The following KCNH8 variants were observed in gnomAD, a reference collection of about 807,000 sequenced individuals.
The protein encoded by KCNH8 is potassium voltage-gated channel subfamily H member 8, also known as voltage-gated delayed rectifier potassium channel KCNH8.
KCNH8 carries 70 observed loss-of-function variants against 103.6 expected under a neutral mutation model. The observed-to-expected ratio is 0.68, with a 90% CI of 0.56 to 0.82. The LOEUF (loss-of-function observed/expected upper bound fraction) is 0.82. KCNH8 is among the 40% of genes least tolerant of loss of function. KCNH8 has a pLI of 0.00. For synonymous variants in KCNH8, 498 were observed against 489.4 expected (o/e 1.02, Z -0.23); for missense variants, 1,217 against 1,329.9 (o/e 0.92, Z 1.32).
intron 1 of KCNH8, among the ~76,000 whole-genome samples, chr3:19,218,846 G>A (rs183639654): frequency 6.8e-4 from 104 of 152,282 alleles, no homozygotes; most frequent in African/African-American, 2.3e-3. Flanking sequence ...TTGTCTTTGT[G>A]AGTATGTCTA....
At chr3:19,532,790 T>C (rs1344031126) in intron 15 of KCNH8, among the ~76,000 whole-genome samples, 1 of 152,238 alleles carries the variant, frequency 6.6e-6, no homozygotes, top group African/African-American at 2.4e-5. Flanking sequence ...AGACTACTTA[T>C]GCCCCTCTAG....
At chr3:19,396,576 C>A (rs901717500) in intron 7 of KCNH8, among the ~76,000 whole-genome samples, 1 of 151,582 alleles carries the variant, frequency 6.6e-6, no homozygotes, top group African/African-American at 2.4e-5. Flanking sequence ...GTCCTCAATT[C>A]TAGGAAACAA....
chr3:19,419,922 T>G (rs1286439029), intron 7 of KCNH8, among the ~76,000 whole-genome samples: 3 of 152,194 alleles, frequency 2.0e-5, no homozygotes, highest in Admixed American at 6.5e-5. Flanking sequence ...AATTTGCCTT[T>G]GGCTTGACAG....
Position 19,239,678 on chromosome 3 carries a change from CTAT to C in KCNH8, c.77-13975_77-13973del, listed in dbSNP as rs1559437692. Reference sequence around the variant, plus strand: ...TCTATCTATCTATCTATCTATCTATCTATCTACCTACCTACCTATCTATCTAAG... The same window carrying C: ...TCTATCTATCTATCTATCTATCTATCCTACCTACCTACCTATCTATCTAAG... On this transcript the variant is annotated intron_variant, in intron 1 of 15. Transcript: ENST00000328405. 2.2e-3 allele frequency among the ~76,000 whole-genome samples: 328 copies of C among 151,710 alleles called. 1 individual carries two copies. Among genetic ancestry groups the C allele is most frequent in the African/African-American group, 6.2e-3 (257 of 41,254 alleles).
chr3:19,249,810 C>G (rs1294979421), intron 1 of KCNH8, among the ~76,000 whole-genome samples: 1 of 152,066 alleles, frequency 6.6e-6, no homozygotes, highest in Non-Finnish European at 1.5e-5. Flanking sequence ...TGGGCTTCTT[C>G]TTTGGGAAAG....
At chr3:19,486,833 G>T (rs142584691) in intron 11 of KCNH8, among the ~76,000 whole-genome samples, 4 of 152,126 alleles carry the variant, frequency 2.6e-5, no homozygotes, top group South Asian at 2.1e-4. Context: ...TCTGGTTTTA[G>T]GTTCCAGTAG....
chr3:19,224,426 G>A (rs939910635), intron 1 of KCNH8, among the ~76,000 whole-genome samples: 3 of 151,992 alleles, frequency 2.0e-5, no homozygotes, highest in Non-Finnish European at 2.9e-5. Context: ...AACCTAAATA[G>A]TCTATGTTTA....
In KCNH8 at chr3:19,226,552, ATCTC is replaced by A. The variant is rs147387395; in HGVS notation, c.77-27088_77-27085del. ...TTGGCATCAAAGTGTTTGCTCCACC[ATCTC>A]TCTCTCTCTCTCTGTTTCTTTCAGT... On this transcript the variant is annotated intron_variant, in intron 1 of 15. Coordinates refer to ENST00000328405, the MANE Select transcript of KCNH8 (RefSeq NM_144633.3). Among the ~76,000 whole-genome samples, 29 of 145,610 alleles carry A rather than the reference ATCTC, an allele frequency of 2.0e-4. 1 individual carries two copies. The highest frequency in any genetic ancestry group is 1.1e-3 in the Admixed American group (16 of 14,678).
chr3:19,353,828 C>A (rs1376827546), intron 5 of KCNH8, among the ~76,000 whole-genome samples: 1 of 152,110 alleles, frequency 6.6e-6, no homozygotes, highest in Non-Finnish European at 1.5e-5. Flanking sequence ...TAGCACAAGA[C>A]AAGGATGCCC....
intron 2 of KCNH8, among the ~76,000 whole-genome samples, chr3:19,260,902 T>C (rs569586638): frequency 2.0e-5 from 3 of 149,454 alleles, no homozygotes; most frequent in African/African-American, 7.3e-5. Flanking sequence ...TATAATGTTC[T>C]CCAAGTCACA....
At chr3:19,246,566 C>T (rs190384439) in intron 1 of KCNH8, among the ~76,000 whole-genome samples, 24 of 152,084 alleles carry the variant, frequency 1.6e-4, no homozygotes, top group Admixed American at 7.2e-4. Flanking sequence ...TGAGTCACCA[C>T]GCCCAGCCAA....
At chr3:19,406,346 T>C (rs1459370182) in intron 7 of KCNH8, among the ~76,000 whole-genome samples, 2 of 152,130 alleles carry the variant, frequency 1.3e-5, no homozygotes, top group Non-Finnish European at 2.9e-5. Flanking sequence ...ATTTTGCTAT[T>C]GAAACAAGCT....
At chr3:19,190,430 A>T (rs1032542749) in intron 1 of KCNH8, among the ~76,000 whole-genome samples, 5 of 151,868 alleles carry the variant, frequency 3.3e-5, no homozygotes, top group Non-Finnish European at 7.4e-5. Context: ...TGAGTTTTTT[A>T]TTGTTTTTGT....
At chr3:19,452,137 C>T (rs2067457831) in intron 10 of KCNH8, among the ~76,000 whole-genome samples, 2 of 152,100 alleles carry the variant, frequency 1.3e-5, no homozygotes, top group African/African-American at 2.4e-5. Context: ...GTAATCCTAG[C>T]GCTTTTGCAG....
intron 5 of KCNH8, among the ~76,000 whole-genome samples, chr3:19,386,785 A>G (rs2066363022): frequency 6.6e-6 from 1 of 152,090 alleles, no homozygotes; most frequent in South Asian, 2.1e-4. Context: ...TTGTCTGGAG[A>G]TCATATTCTT....
chr3:19,518,206 C>T (rs1428138472), intron 15 of KCNH8, 132 bp downstream of exon 15: 8 of 636,486 alleles, frequency 1.3e-5, no homozygotes, highest in Non-Finnish European at 2.2e-5. Flanking sequence ...TGAATCTCTG[C>T]TCTGCCTCAT....
chr3:19,272,284 A>T (rs2064599619), intron 2 of KCNH8, among the ~76,000 whole-genome samples: 1 of 152,006 alleles, frequency 6.6e-6, no homozygotes, highest in African/African-American at 2.4e-5. Flanking sequence ...TTTGAGGTAC[A>T]ATGACAAGAA....
At chr3:19,328,540 A>G (rs892430980) in intron 3 of KCNH8, among the ~76,000 whole-genome samples, 1 of 152,176 alleles carries the variant, frequency 6.6e-6, no homozygotes, top group African/African-American at 2.4e-5. Flanking sequence ...CCAGAAGAGC[A>G]ATAAAAATTT....
Position 19,438,370 on chromosome 3 carries a change from G to T in KCNH8, c.1375+9G>T. On this transcript the variant is annotated intron_variant, in intron 8 of 15. Coordinates refer to ENST00000328405, the MANE Select transcript of KCNH8 (RefSeq NM_144633.3). ...CACCATGCTGATTGGTGGTAAGAGA[G>T]CATCTTCTTTTATACTAAGAAGAGG... The T allele has an allele frequency of 6.2e-7, 1 of 1,609,760 alleles. No individual in the cohort carries two copies. Among genetic ancestry groups the T allele is most frequent in the Non-Finnish European group, 8.5e-7 (1 of 1,177,398 alleles).
Sources: allele counts gnomAD v4.1 joint callset (sites outside exome capture counted in the v4.1 genomes callset), GRCh38; gene constraint gnomAD v4.1.1; transcripts MANE v1.5; gene names NCBI Gene and HGNC (gene_info 2026-07-23, HGNC 2026-07-21).